Variants in SLC15A1 observed in about 807,000 individuals in gnomAD.
SLC15A1 encodes Caco-2 oligopeptide transporter.
A neutral mutation model predicts 92.9 loss-of-function variants in SLC15A1; 83 were observed. The observed-to-expected ratio is 0.89, with a 90% CI of 0.75 to 1.07. The LOEUF is 1.07. SLC15A1 is among the 50% of genes least tolerant of loss of function. SLC15A1 has a pLI of 0.00. For missense variants in SLC15A1, 857 were observed against 880.1 expected (o/e 0.97, Z 0.33); for synonymous variants, 322 against 318.2 (o/e 1.01, Z -0.13).
intron 18 of SLC15A1, among the ~76,000 whole-genome samples, chr13:98,690,174 A>G (rs1270004420): frequency 1.3e-5 from 2 of 152,350 alleles, no homozygotes; most frequent in South Asian, 2.1e-4. Flanking sequence ...TCAGCAGTGT[A>G]AAGAATAATT....
At chr13:98,708,828 C>T in intron 14 of SLC15A1, 61 bp from the exon 15 acceptor site, 2 of 1,251,954 alleles carry the variant, frequency 1.6e-6, no homozygotes, top group Middle Eastern at 1.9e-4. Flanking sequence ...TAAGCTAAAC[C>T]CCCACCCCCA....
intron 18 of SLC15A1, 128 bp from the exon 19 acceptor site, chr13:98,688,705 C>G: frequency 1.4e-6 from 1 of 698,292 alleles, no homozygotes; most frequent in Non-Finnish European, 2.4e-6. Flanking sequence ...CAGAATATTT[C>G]TAGAGAATAA....
intron 2 of SLC15A1, 38 bp from the exon 3 acceptor site, chr13:98,726,487 C>T (rs887849661): frequency 1.9e-6 from 3 of 1,576,298 alleles, no homozygotes. Flanking sequence ...TGAAATACAC[C>T]CCCCACTGGT....
intron 1 of SLC15A1, among the ~76,000 whole-genome samples, 195 bp downstream of exon 1, chr13:98,752,400 C>T (rs966662946): frequency 6.6e-6 from 1 of 152,168 alleles, no homozygotes; most frequent in African/African-American, 2.4e-5. Context: ...CCTCTGGCTT[C>T]CGCGCCCCGG....
At chr13:98,747,725 A>T (rs1372171941) in intron 1 of SLC15A1, among the ~76,000 whole-genome samples, 1 of 152,152 alleles carries the variant, frequency 6.6e-6, no homozygotes, top group Non-Finnish European at 1.5e-5. Flanking sequence ...TACTAAAAAT[A>T]CAAAAGTTAG....
At chr13:98,687,488 A>T in intron 21 of SLC15A1, 93 bp downstream of exon 21, 1 of 1,456,446 alleles carries the variant, frequency 6.9e-7, no homozygotes, top group Non-Finnish European at 9.3e-7. Flanking sequence ...CTTTTTAAAA[A>T]ATATAGTTAT....
At chr13:98,724,549 G>A (rs944004512) in intron 4 of SLC15A1, among the ~76,000 whole-genome samples, 1 of 152,188 alleles carries the variant, frequency 6.6e-6, no homozygotes, top group Non-Finnish European at 1.5e-5. Context: ...CAGGAGAGGG[G>A]AAAGATCCGC....
At chr13:98,702,223 T>C (rs1239089505) in intron 18 of SLC15A1, among the ~76,000 whole-genome samples, 4 of 152,222 alleles carry the variant, frequency 2.6e-5, no homozygotes, top group Admixed American at 2.6e-4. Flanking sequence ...TGAGAGTTTT[T>C]GTCATGAATG....
intron 5 of SLC15A1, 78 bp downstream of exon 5, chr13:98,723,834 G>C: frequency 2.5e-6 from 4 of 1,591,502 alleles, no homozygotes; most frequent in Non-Finnish European, 3.4e-6. Flanking sequence ...TGAAGTTCAA[G>C]GAAAAAGACG....
At chr13:98,728,990 A>C (rs1158953225) in intron 1 of SLC15A1, among the ~76,000 whole-genome samples, 1 of 146,378 alleles carries the variant, frequency 6.8e-6, no homozygotes, top group Non-Finnish European at 1.5e-5. Flanking sequence ...AAAAAAAAAA[A>C]AAAAAAAAAA....
intron 1 of SLC15A1, among the ~76,000 whole-genome samples, chr13:98,749,341 G>C (rs2088522497): frequency 6.6e-6 from 1 of 152,236 alleles, no homozygotes; most frequent in Non-Finnish European, 1.5e-5. Context: ...AGAGAATAAA[G>C]TATCCTACTT....
chr13:98,738,804 T>C (rs1201641792), intron 1 of SLC15A1, among the ~76,000 whole-genome samples: 1 of 152,184 alleles, frequency 6.6e-6, no homozygotes, highest in Non-Finnish European at 1.5e-5. Flanking sequence ...AGAGTCCCCA[T>C]TGAGGCATTG....
At chr13:98,748,646 A>G (rs1490006251) in intron 1 of SLC15A1, among the ~76,000 whole-genome samples, 1 of 152,152 alleles carries the variant, frequency 6.6e-6, no homozygotes, top group Non-Finnish European at 1.5e-5. Flanking sequence ...TCTACCTGCT[A>G]ATTTACCCAA....
At chr13:98,719,201 C>T (rs1239416470) in intron 8 of SLC15A1, 36 bp downstream of exon 8, 2 of 1,519,240 alleles carry the variant, frequency 1.3e-6, no homozygotes, top group Admixed American at 1.7e-5. Context: ...CTGACCTGGT[C>T]CTAGGCTTCT....
chr13:98,709,855 A>G lies in SLC15A1; in HGVS notation c.945+12T>C, dbSNP rs1046960752. The G allele has an allele frequency of 6.2e-7, 1 of 1,614,100 alleles. No homozygotes were observed. Among genetic ancestry groups the G allele is most frequent in the African/African-American group, 1.3e-5 (1 of 74,934 alleles). ...GGGGACAAAGAAACTAAAACAAAGG[A>G]GTCAAACTTACGATTTTCCCGGACA... is the stretch of plus-strand genomic sequence containing the variant. On this transcript the variant is annotated intron_variant, in intron 12 of 22. Transcript: ENST00000376503.
At chr13:98,722,600 T>G (rs996209716) in intron 5 of SLC15A1, among the ~76,000 whole-genome samples, 24 of 152,206 alleles carry the variant, frequency 1.6e-4, no homozygotes, top group African/African-American at 5.8e-4. Flanking sequence ...TGGTTGCTAA[T>G]GTTGCTTTTA....
chr13:98,747,036 C>T (rs577725636), intron 1 of SLC15A1, among the ~76,000 whole-genome samples: 31 of 152,292 alleles, frequency 2.0e-4, no homozygotes, highest in African/African-American at 6.3e-4. Context: ...TGGCCCCCCC[C>T]ACCCCGGCTG....
chr13:98,741,608 C>G (rs566413175), intron 1 of SLC15A1, among the ~76,000 whole-genome samples: 2 of 151,932 alleles, frequency 1.3e-5, no homozygotes, highest in African/African-American at 4.8e-5. Flanking sequence ...CCTGTAATCC[C>G]AGCTACTCAA....
intron 18 of SLC15A1, among the ~76,000 whole-genome samples, chr13:98,697,117 G>A (rs543776749): frequency 6.5e-4 from 99 of 152,136 alleles, no homozygotes; most frequent in African/African-American, 2.3e-3. Context: ...GTGCAGTGCC[G>A]CGATCTTGGC....
Sources: allele counts gnomAD v4.1 joint callset (sites outside exome capture counted in the v4.1 genomes callset), GRCh38; gene constraint gnomAD v4.1.1; transcripts MANE v1.5; gene names NCBI Gene and HGNC (gene_info 2026-07-23, HGNC 2026-07-21).